ATG10: variants seen among roughly 807,000 people sequenced by gnomAD.
ATG10 encodes the protein autophagy related 10.
A neutral mutation model predicts 32.1 loss-of-function variants in ATG10; 30 were observed. The ratio of observed to expected loss-of-function variants is 0.94; its 90% CI spans 0.70 to 1.27. The LOEUF is 1.27. Among genes scored for constraint, ATG10 ranks in the 50% most tolerant of loss-of-function variants. The pLI is 0.00. For missense variants in ATG10, 233 were observed against 262.3 expected, an observed-to-expected ratio of 0.89 and a Z score of 0.77; for synonymous variants, 87 against 91.5, an observed-to-expected ratio of 0.95 and a Z score of 0.28.
intron 3 of ATG10, among the ~76,000 whole-genome samples, chr5:82,119,936 AAAT>A (rs1340975631): frequency 6.6e-6 from 1 of 152,122 alleles, no homozygotes; most frequent in African/African-American, 2.4e-5. Context: ...TTTTCTTTGG[AAAT>A]AAAAACACTT....
chr5:82,031,348 A>G (rs1360715708), intron 2 of ATG10, among the ~76,000 whole-genome samples: 1 of 152,220 alleles, frequency 6.6e-6, no homozygotes. Flanking sequence ...TATAAAAAAA[A>G]ATGTGTTGCT....
intron 3 of ATG10, among the ~76,000 whole-genome samples, chr5:82,093,499 G>A (rs1012719408): frequency 6.6e-6 from 1 of 151,406 alleles, no homozygotes; most frequent in Admixed American, 6.6e-5. Context: ...TCTAGCTCAG[G>A]GGATGACAAA....
At chr5:81,987,054 T>C (rs150527907) in intron 1 of ATG10, among the ~76,000 whole-genome samples, 204 of 151,600 alleles carry the variant, frequency 1.3e-3, no homozygotes, top group African/African-American at 4.8e-3. Flanking sequence ...AAAACAACAA[T>C]AACAACAACA....
At chr5:81,976,765 G>A (rs1334989712) in intron 1 of ATG10, among the ~76,000 whole-genome samples, 1 of 152,144 alleles carries the variant, frequency 6.6e-6, no homozygotes, top group Non-Finnish European at 1.5e-5. Context: ...CTAAGCTTGT[G>A]GGAGTTATTT....
rs1743497859 is a variant in ATG10, at chr5:82,164,471, G to T, written c.289G>T (p.Glu97Ter). The change falls in exon 4 of 8, where the codon GAG becomes TAG. Residue 97 changes from glutamate to a stop codon, truncating the protein, a stop_gained. Coordinates refer to ENST00000282185, the MANE Select transcript of ATG10 (RefSeq NM_031482.5). LOFTEE classifies it high-confidence loss of function. ...TAAASEVIKY[E>*]YHVLYSCSYQ... ...AGCAGCGTCCGAAGTGATTAAATAT[G>T]AGTATCATGTCTTATATTCCTGTAG... 1.2e-6 allele frequency: 2 copies of T among 1,612,848 alleles called. No individual in the cohort carries two copies. The highest frequency in any genetic ancestry group is 1.1e-5 in the South Asian group (1 of 91,042).
intron 2 of ATG10, among the ~76,000 whole-genome samples, chr5:81,997,862 C>T (rs1761714272): frequency 6.6e-6 from 1 of 152,130 alleles, no homozygotes; most frequent in Non-Finnish European, 1.5e-5. Context: ...GAAGAATGTA[C>T]AAAACCTTTG....
At chr5:82,225,892 TC>T (rs1339554859) in intron 5 of ATG10, among the ~76,000 whole-genome samples, 1 of 152,220 alleles carries the variant, frequency 6.6e-6, no homozygotes, top group African/African-American at 2.4e-5. Flanking sequence ...GATACTAACT[TC>T]TAGCTATGAC....
At chr5:82,012,014 A>T (rs1429501867) in intron 2 of ATG10, among the ~76,000 whole-genome samples, 2 of 152,046 alleles carry the variant, frequency 1.3e-5, no homozygotes, top group Non-Finnish European at 2.9e-5. Flanking sequence ...TGCTACTTTT[A>T]CTGATGATGC....
chr5:82,082,891 C>T (rs947472772), intron 3 of ATG10, among the ~76,000 whole-genome samples: 13 of 152,070 alleles, frequency 8.5e-5, no homozygotes, highest in Admixed American at 2.6e-4. Context: ...CCAACATGGC[C>T]GAATAGGAGC....
chr5:82,167,935 C>A (rs2149905627), intron 4 of ATG10, among the ~76,000 whole-genome samples: 1 of 152,284 alleles, frequency 6.6e-6, no homozygotes, highest in African/African-American at 2.4e-5. Context: ...ACAGTTAATA[C>A]CCTTTGTCAC....
At chr5:82,108,084 C>G (rs1765495724) in intron 3 of ATG10, among the ~76,000 whole-genome samples, 1 of 151,940 alleles carries the variant, frequency 6.6e-6, no homozygotes, top group African/African-American at 2.4e-5. Flanking sequence ...GAAATCCGTG[C>G]TAAGTGCTTT....
chr5:82,209,868 C>T (rs1469536152), intron 5 of ATG10, among the ~76,000 whole-genome samples: 1 of 152,148 alleles, frequency 6.6e-6, no homozygotes. Context: ...ATGCCTCTCC[C>T]ACCCCACTGA....
At chr5:82,159,315 G>T (rs2149893112) in intron 3 of ATG10, among the ~76,000 whole-genome samples, 1 of 152,190 alleles carries the variant, frequency 6.6e-6, no homozygotes, top group South Asian at 2.1e-4. Flanking sequence ...TTTATTTCTG[G>T]ATTTTTCACT....
At chr5:82,223,362 T>C (rs1746000005) in intron 5 of ATG10, among the ~76,000 whole-genome samples, 1 of 152,260 alleles carries the variant, frequency 6.6e-6, no homozygotes, top group Admixed American at 6.5e-5. Flanking sequence ...TTGTGGCTCA[T>C]AGTCACAATG....
chr5:82,231,128 G>A (rs1388893659), intron 5 of ATG10, among the ~76,000 whole-genome samples: 1 of 152,152 alleles, frequency 6.6e-6, no homozygotes, highest in Non-Finnish European at 1.5e-5. Context: ...CATCTCATGA[G>A]TTCATGTAGA....
chr5:82,080,302 T>A (rs1764429712), intron 3 of ATG10, among the ~76,000 whole-genome samples: 1 of 152,276 alleles, frequency 6.6e-6, no homozygotes, highest in Non-Finnish European at 1.5e-5. Context: ...TTTTCTCCCA[T>A]TTTGTAGGTT....
chr5:82,050,655 G>T (rs887182556), intron 2 of ATG10, among the ~76,000 whole-genome samples: 4 of 151,628 alleles, frequency 2.6e-5, no homozygotes, highest in African/African-American at 9.7e-5. Flanking sequence ...TTTGAAGGTG[G>T]TATAATCCTC....
chr5:82,027,082 ATAAATAAAT>A (rs1762615008), intron 2 of ATG10, among the ~76,000 whole-genome samples: 1 of 150,336 alleles, frequency 6.7e-6, no homozygotes, highest in East Asian at 1.9e-4. Context: ...AATAAAATAA[ATAAATAAAT>A]AAATAAATAA....
intron 5 of ATG10, among the ~76,000 whole-genome samples, chr5:82,210,622 T>C (rs1010519048): frequency 1.3e-5 from 2 of 151,708 alleles, no homozygotes; most frequent in Admixed American, 1.3e-4. Context: ...TTCAAACAGA[T>C]TTTTTTTTCC....
Sources: allele counts gnomAD v4.1 joint callset (sites outside exome capture counted in the v4.1 genomes callset), GRCh38; gene constraint gnomAD v4.1.1; transcripts MANE v1.5; gene names NCBI Gene and HGNC (gene_info 2026-07-23, HGNC 2026-07-21).